Variants in CACNA2D3 observed in about 807,000 individuals in gnomAD.
CACNA2D3 encodes voltage-dependent calcium channel subunit alpha-2/delta-3.
In CACNA2D3, 60 loss-of-function variants were observed where a neutral mutation model predicts 160.6. That is an observed-to-expected ratio of 0.37 (90% confidence interval 0.30 to 0.46). The LOEUF is 0.46. Among genes scored for constraint, CACNA2D3 ranks in the 20% least tolerant of loss-of-function variants. The pLI is 1.00. For missense variants in CACNA2D3, 1,205 were observed against 1,365.0 expected (o/e 0.88, Z 1.85); for synonymous variants, 558 against 492.9 (o/e 1.13, Z -1.75).
intron 11 of CACNA2D3, among the ~76,000 whole-genome samples, chr3:54,653,569 C>G (rs972721793): frequency 2.6e-5 from 4 of 152,192 alleles, no homozygotes; most frequent in Non-Finnish European, 5.9e-5. Flanking sequence ...CAGGCCCTCC[C>G]TGCAGCTGAA....
chr3:54,544,527 C>T (rs980091665), intron 5 of CACNA2D3, among the ~76,000 whole-genome samples: 1 of 152,096 alleles, frequency 6.6e-6, no homozygotes, highest in Admixed American at 6.6e-5. Flanking sequence ...CTTTAACCTC[C>T]CAAGTAGCTA....
At chr3:54,267,279 C>G (rs1300741117) in intron 2 of CACNA2D3, among the ~76,000 whole-genome samples, 1 of 152,182 alleles carries the variant, frequency 6.6e-6, no homozygotes, top group Non-Finnish European at 1.5e-5. Context: ...AAAACATACT[C>G]AGCCTCCTTA....
intron 27 of CACNA2D3, among the ~76,000 whole-genome samples, chr3:54,907,057 C>A (rs527803974): frequency 6.6e-6 from 1 of 152,286 alleles, no homozygotes; most frequent in South Asian, 2.1e-4. Context: ...GAGTTACTGT[C>A]CCTTTCTAAA....
chr3:54,643,041 G>A (rs1346956322), intron 11 of CACNA2D3, among the ~76,000 whole-genome samples: 12 of 152,202 alleles, frequency 7.9e-5, no homozygotes, highest in Admixed American at 7.2e-4. Flanking sequence ...TGGAATTTTA[G>A]CAGGGAAAAG....
chr3:54,552,795 G>A (rs1025180508), intron 5 of CACNA2D3, among the ~76,000 whole-genome samples: 1 of 152,120 alleles, frequency 6.6e-6, no homozygotes, highest in African/African-American at 2.4e-5. Context: ...ATGAGGAAGA[G>A]GAAATGCAAG....
At chr3:54,425,268 T>G (rs1173717935) in intron 4 of CACNA2D3, among the ~76,000 whole-genome samples, 3 of 152,178 alleles carry the variant, frequency 2.0e-5, no homozygotes, top group African/African-American at 4.8e-5. Context: ...GAGGTGGCAG[T>G]TGCAGTGAGC....
At chr3:54,494,388 A>G (rs1701170448) in intron 4 of CACNA2D3, among the ~76,000 whole-genome samples, 1 of 152,208 alleles carries the variant, frequency 6.6e-6, no homozygotes, top group Non-Finnish European at 1.5e-5. Context: ...GATGAGCGCC[A>G]TTGAGCAAAA....
chr3:54,676,498 G>C (rs1420757016), intron 11 of CACNA2D3, among the ~76,000 whole-genome samples: 4 of 152,124 alleles, frequency 2.6e-5, no homozygotes, highest in Non-Finnish European at 5.9e-5. Flanking sequence ...GTATGCAGGG[G>C]TGTGTGCTGG....
chr3:54,159,800 C>T (rs576887540), intron 2 of CACNA2D3, among the ~76,000 whole-genome samples: 44 of 152,070 alleles, frequency 2.9e-4, no homozygotes, highest in Non-Finnish European at 5.3e-4. Context: ...AGGATTCAAG[C>T]TTTTGCAATT....
At chr3:54,283,061 A>G (rs1702919048) in intron 2 of CACNA2D3, among the ~76,000 whole-genome samples, 1 of 152,196 alleles carries the variant, frequency 6.6e-6, no homozygotes, top group Admixed American at 6.5e-5. Flanking sequence ...TTTTACTTTA[A>G]AAACAAAGAA....
At chr3:54,606,259 A>C (rs1575377240) in intron 9 of CACNA2D3, among the ~76,000 whole-genome samples, 1 of 151,952 alleles carries the variant, frequency 6.6e-6, no homozygotes, top group Non-Finnish European at 1.5e-5. Flanking sequence ...TCTAGGGTTG[A>C]AGGAGTTATT....
chr3:54,135,845 G>A (rs73844313), intron 2 of CACNA2D3, among the ~76,000 whole-genome samples: 1 of 152,190 alleles, frequency 6.6e-6, no homozygotes, highest in Non-Finnish European at 1.5e-5. Context: ...GTGGCCTGCC[G>A]CAGGTCTCAC....
At chr3:54,789,915 C>G (rs766254984) in intron 13 of CACNA2D3, 1 of 506,862 alleles carries the variant, frequency 2.0e-6, no homozygotes, top group Non-Finnish European at 4.0e-6. Flanking sequence ...GAGCCCATTC[C>G]TCTGTTTTGA....
At chr3:54,129,365 AT>A (rs1352127122) in intron 2 of CACNA2D3, among the ~76,000 whole-genome samples, 2 of 152,230 alleles carry the variant, frequency 1.3e-5, no homozygotes, top group Admixed American at 6.5e-5. Flanking sequence ...AATGGTAAAC[AT>A]TTCAACTTCC....
At chr3:54,142,592 GTGA>G (rs929085038) in intron 2 of CACNA2D3, among the ~76,000 whole-genome samples, 1 of 152,070 alleles carries the variant, frequency 6.6e-6, no homozygotes, top group South Asian at 2.1e-4. Flanking sequence ...CCTGATGATG[GTGA>G]TGATGATGAT....
intron 4 of CACNA2D3, 60 bp downstream of exon 4, chr3:54,386,834 C>G (rs1280384206): frequency 1.4e-6 from 2 of 1,410,792 alleles, no homozygotes; most frequent in East Asian, 4.9e-5. Context: ...GGACAAGTAC[C>G]AGGTATACCA....
chr3:54,630,459 G>A (rs995647372), intron 10 of CACNA2D3, among the ~76,000 whole-genome samples: 3 of 152,116 alleles, frequency 2.0e-5, no homozygotes, highest in African/African-American at 7.2e-5. Flanking sequence ...TCCCACATGG[G>A]GGTTGTGGTC....
At chr3:54,171,767 T>C (rs907101107) in intron 2 of CACNA2D3, among the ~76,000 whole-genome samples, 3 of 152,178 alleles carry the variant, frequency 2.0e-5, no homozygotes, top group Non-Finnish European at 4.4e-5. Context: ...TTCCATGGGA[T>C]ATCTTCCCAC....
chr3:54,995,144 C>G (rs1446546062), intron 31 of CACNA2D3, among the ~76,000 whole-genome samples: 1 of 151,850 alleles, frequency 6.6e-6, no homozygotes, highest in African/African-American at 2.4e-5. Context: ...CAGTTAATTT[C>G]TGTATTTTTA....
Sources: allele counts gnomAD v4.1 joint callset (sites outside exome capture counted in the v4.1 genomes callset), GRCh38; gene constraint gnomAD v4.1.1; transcripts MANE v1.5; gene names NCBI Gene and HGNC (gene_info 2026-07-23, HGNC 2026-07-21).